Variants in KDM4B observed in about 807,000 individuals in gnomAD.
The protein encoded by KDM4B is lysine demethylase 4B, also known as lysine-specific demethylase 4B.
Under a neutral mutation model 125.2 loss-of-function variants are expected in KDM4B, and 32 were observed. The ratio of observed to expected loss-of-function variants is 0.26; its 90% confidence interval spans 0.19 to 0.34. KDM4B has a LOEUF of 0.34. Among genes scored for constraint, KDM4B ranks in the 10% least tolerant of loss-of-function variants. The pLI is 1.00. For missense variants in KDM4B, 1,190 were observed against 1,577.7 expected (o/e 0.75, Z 4.16); for synonymous variants, 721 against 677.9 (o/e 1.06, Z -0.99).
At position 4,982,623 on chromosome 19, in the gene KDM4B, C is replaced by CT. The variant is rs376815360; in HGVS notation, c.-109+13400dup. Reference sequence around the variant, plus strand: ...TCTCTCTCTCTCTCTTTCTCTCTTTCTTTTTTTGTGGCGGAGTCTCACTGT... The same window carrying CT: ...TCTCTCTCTCTCTCTTTCTCTCTTTCTTTTTTTTGTGGCGGAGTCTCACTGT... On this transcript the variant is annotated intron_variant, in intron 1 of 22. Coordinates refer to ENST00000159111, the MANE Select transcript of KDM4B (RefSeq NM_015015.3). Among the ~76,000 whole-genome samples, 165 of 149,854 alleles carry CT rather than the reference C, an allele frequency of 1.1e-3. 1 individual carries two copies. Among genetic ancestry groups the CT allele is most frequent in the African/African-American group, 3.8e-3 (153 of 40,796 alleles).
At chr19:5,090,375 T>TCCCCCCATATCTCTCC (rs1568291466) in intron 9 of KDM4B, among the ~76,000 whole-genome samples, 1 of 59,342 alleles carries the variant, frequency 1.7e-5, no homozygotes, top group Non-Finnish European at 3.3e-5. Flanking sequence ...CATCTCTCTC[T>TCCCCCCATATCTCTCC]CCCCCCATAT....
intron 1 of KDM4B, among the ~76,000 whole-genome samples, chr19:5,001,437 C>T (rs776960582): frequency 3.3e-5 from 5 of 152,180 alleles, no homozygotes; most frequent in South Asian, 2.1e-4. Context: ...TGCACAGCTG[C>T]GTAGTGTTCC....
At chr19:5,004,222 C>T (rs2035484189) in intron 1 of KDM4B, among the ~76,000 whole-genome samples, 1 of 152,138 alleles carries the variant, frequency 6.6e-6, no homozygotes, top group African/African-American at 2.4e-5. Context: ...GGGAAGGAGA[C>T]TCGTGGGAAC....
chr19:4,975,354 CT>C (rs1215314185), intron 1 of KDM4B, among the ~76,000 whole-genome samples: 2 of 151,280 alleles, frequency 1.3e-5, no homozygotes, highest in African/African-American at 4.9e-5. Context: ...TCTTCTTTTG[CT>C]TTTTTTTTCC....
Position 4,969,188 on chromosome 19 carries a change from A to C in KDM4B, c.-151A>C, listed in dbSNP as rs58324296. On this transcript the variant is annotated 5_prime_UTR_variant, in exon 1 of 23. Transcript: ENST00000159111. Reference sequence around the variant, plus strand: ...GGGTGCGACGCCGAGGGCGGGGGAGAGCGCGCCGCTGCTCCCGGACCGGGC... The same window carrying C: ...GGGTGCGACGCCGAGGGCGGGGGAGCGCGCGCCGCTGCTCCCGGACCGGGC... The C allele has an allele frequency of 0.27, 40,575 of 148,760 alleles. 6,281 individuals carry two copies. Among genetic ancestry groups the C allele is most frequent in the Middle Eastern group, 0.39 (114 of 290 alleles). 9.2% of individuals were successfully genotyped at this position (148,760 alleles called of 1,614,324 possible).
intron 2 of KDM4B, among the ~76,000 whole-genome samples, chr19:5,020,508 T>C (rs1001204222): frequency 6.6e-6 from 1 of 152,166 alleles, no homozygotes; most frequent in Non-Finnish European, 1.5e-5. Flanking sequence ...CAGCCGTGCA[T>C]GAGGGCTGCC....
At position 5,137,592 on chromosome 19, in the gene KDM4B, G is replaced by C. The variant is rs200928594; in HGVS notation, c.2386-29G>C. 6.0e-5 allele frequency: 96 copies of C among 1,598,036 alleles called. No homozygotes were observed. In the African/African-American group the frequency reaches 1.2e-3, roughly 21 times the overall value. On this transcript the variant is annotated intron_variant, in intron 16 of 22. Transcript: ENST00000159111. ...GTGTGGGGAGCCTGCTCCGAGCCCT[G>C]CTCATCCAGGGCTGTCTGGTCTCCA...
chr19:5,120,116 G>A (rs1202299605), intron 11 of KDM4B, among the ~76,000 whole-genome samples: 1 of 152,188 alleles, frequency 6.6e-6, no homozygotes. Flanking sequence ...TAGCACTTTG[G>A]GAGGCCAAGG....
chr19:5,015,966 A>G (rs1313560966), intron 1 of KDM4B, among the ~76,000 whole-genome samples: 3 of 152,150 alleles, frequency 2.0e-5, no homozygotes, highest in Non-Finnish European at 2.9e-5. Context: ...TCTGCGTCTT[A>G]AGGCCTCCAG....
chr19:5,136,570 G>C (rs1033232781), intron 15 of KDM4B, among the ~76,000 whole-genome samples: 3 of 152,134 alleles, frequency 2.0e-5, no homozygotes, highest in Non-Finnish European at 4.4e-5. Flanking sequence ...CCTGGGGGAA[G>C]GGTTGCCGAG....
intron 21 of KDM4B, among the ~76,000 whole-genome samples, chr19:5,147,442 C>T (rs2039871031): frequency 6.6e-6 from 1 of 152,164 alleles, no homozygotes; most frequent in Non-Finnish European, 1.5e-5. Flanking sequence ...GCTAATGAGA[C>T]AGTCAGAAAT....
chr19:5,007,012 G>A (rs902449939), intron 1 of KDM4B, among the ~76,000 whole-genome samples: 3 of 152,180 alleles, frequency 2.0e-5, no homozygotes, highest in African/African-American at 4.8e-5. Flanking sequence ...GAGGCGGGGC[G>A]GGGGTGGTGA....
intron 1 of KDM4B, among the ~76,000 whole-genome samples, chr19:4,987,879 G>A (rs2034894571): frequency 6.6e-6 from 1 of 152,178 alleles, no homozygotes; most frequent in Non-Finnish European, 1.5e-5. Context: ...GGTGGCTTTT[G>A]GAGGTAGACA....
intron 6 of KDM4B, among the ~76,000 whole-genome samples, chr19:5,057,659 G>A (rs1227566312): frequency 6.6e-6 from 1 of 152,154 alleles, no homozygotes; most frequent in African/African-American, 2.4e-5. Flanking sequence ...TCACGGACGA[G>A]GCACAGATTG....
intron 6 of KDM4B, among the ~76,000 whole-genome samples, chr19:5,062,166 C>T (rs1439792293): frequency 6.6e-6 from 1 of 152,174 alleles, no homozygotes; most frequent in East Asian, 1.9e-4. Context: ...CGGTTGGTGA[C>T]ATCTCCTCTC....
In KDM4B at chr19:5,135,404, C is replaced by T. The variant is rs1455407592; in HGVS notation, c.2151C>T (p.Pro717=). 2 of 1,613,576 alleles carry T rather than the reference C, an allele frequency of 1.2e-6. No individual in the cohort carries two copies. The highest frequency in any genetic ancestry group is 1.7e-6 in the Non-Finnish European group (2 of 1,180,006). ...SLGEGCPATL[P]SKSRQKTRPL... ...GAGAGGGCTGCCCGGCCACATTACC[C>T]TCCAAAAGCCGTCAGAAGACCCGAC... The change falls in exon 15 of 23, where the codon CCC becomes CCT. Residue 717 remains proline, a synonymous_variant. Coordinates refer to ENST00000159111, the MANE Select transcript of KDM4B (RefSeq NM_015015.3).
chr19:5,026,857 C>A (rs1411953450), intron 2 of KDM4B, among the ~76,000 whole-genome samples: 3 of 151,706 alleles, frequency 2.0e-5, no homozygotes, highest in East Asian at 3.8e-4. Context: ...GCCCTGGTGT[C>A]CCCATAGGAG....
At chr19:5,137,065 C>T (rs1599257914) in intron 15 of KDM4B, among the ~76,000 whole-genome samples, 197 bp from the exon 16 acceptor site, 1 of 152,206 alleles carries the variant, frequency 6.6e-6, no homozygotes, top group Non-Finnish European at 1.5e-5. Flanking sequence ...TCTCTCGCTC[C>T]ACATGCAGTG....
intron 9 of KDM4B, among the ~76,000 whole-genome samples, chr19:5,100,562 G>A (rs1286458386): frequency 2.6e-5 from 4 of 152,040 alleles, no homozygotes; most frequent in African/African-American, 9.7e-5. Flanking sequence ...TGTGTAGCTC[G>A]GACTACAGGT....
Sources: allele counts gnomAD v4.1 joint callset (sites outside exome capture counted in the v4.1 genomes callset), GRCh38; gene constraint gnomAD v4.1.1; transcripts MANE v1.5; gene names NCBI Gene and HGNC (gene_info 2026-07-23, HGNC 2026-07-21).